The following EGFL7 variants were observed in gnomAD, a reference collection of about 807,000 sequenced individuals.
EGFL7 encodes the protein epidermal growth factor-like protein 7.
Under a neutral mutation model 37.1 loss-of-function variants are expected in EGFL7, and 48 were observed. That is an observed-to-expected ratio of 1.29 (90% CI 1.03 to 1.65). The LOEUF (loss-of-function observed/expected upper bound fraction) is 1.65, where lower values mean the gene tolerates loss of function less well. Among genes scored for constraint, EGFL7 ranks in the 40% most tolerant of loss-of-function variants. The probability of loss-of-function intolerance (pLI) is 0.00; values close to 1 mark genes in which losing one functional copy is unlikely to be tolerated. For missense variants in EGFL7, 384 were observed against 378.9 expected, an observed-to-expected ratio of 1.01 and a Z score of -0.11; for synonymous variants, 180 against 156.8, an observed-to-expected ratio of 1.15 and a Z score of -1.10.
intron 7 of EGFL7, 43 bp from the exon 8 acceptor site, chr9:136,670,125 AC>A: frequency 6.2e-7 from 1 of 1,611,250 alleles, no homozygotes; most frequent in Admixed American, 1.7e-5. Context: ...TGTGGGCAGG[AC>A]CCCTCCCGCA....
At chr9:136,662,515 G>T (rs1845211226), upstream of EGFL7, among the ~76,000 whole-genome samples, 1 of 152,192 alleles carries the variant, frequency 6.6e-6, no homozygotes, top group Non-Finnish European at 1.5e-5. Flanking sequence ...ACATCTGGGG[G>T]TGTCCTGGGG....
chr9:136,670,861 G>A, intron 8 of EGFL7, 89 bp from the exon 9 acceptor site: 2 of 1,290,050 alleles, frequency 1.6e-6, no homozygotes. Context: ...GAGTCTTCTG[G>A]CTCTGCCTCT....
chr9:136,666,378 G>A lies in EGFL7; in HGVS notation c.-43+1593G>A, dbSNP rs1038272076. ...GGGTGGGGGCTGCGGGGCTGCTGCC[G>A]GGCAGGTGGGGAGGGAGCCCGTGGG... On this transcript the variant is annotated intron_variant, in intron 3 of 10. Coordinates refer to ENST00000308874, the MANE Select transcript of EGFL7 (RefSeq NM_016215.5). The surrounding 1 kb of genome is among the most constrained non-coding windows in gnomAD (Gnocchi z 6.8). Among the ~76,000 whole-genome samples the A allele has an allele frequency of 2.0e-5, 3 of 151,796 alleles. No individual in the cohort carries two copies. The highest frequency in any genetic ancestry group is 4.4e-5 in the Non-Finnish European group (3 of 67,882).
In EGFL7 at chr9:136,668,690, A is replaced by T. The variant is rs1397862556; in HGVS notation, c.197+17A>T. 6.3e-7 allele frequency: 1 copy of T among 1,585,580 alleles called. No homozygotes were observed. Among genetic ancestry groups the T allele is most frequent in the Non-Finnish European group, 8.6e-7 (1 of 1,166,810 alleles). The stretch of plus-strand genomic sequence containing the variant: ...CACCTACCGGTGAGTGCCCCACCAC[A>T]CCGAGCTCACCCAGCCCCAGCCTCC... On this transcript the variant is annotated intron_variant, in intron 5 of 10. Transcript: ENST00000308874.
chr9:136,669,980 C>A lies in EGFL7; in HGVS notation c.380C>A (p.Ala127Glu). The change falls in exon 7 of 11, where the codon GCA (alanine) becomes GAA (glutamate). Residue 127 changes from alanine to glutamate, a missense_variant. Transcript: ENST00000308874. ...CVQPGRCRCPAGWRGDTCQSD... is the reference protein window; with the variant it reads ...CVQPGRCRCPEGWRGDTCQSD... ...CAGCCTGGCCGCTGCCGCTGCCCTG[C>A]AGGATGGCGGGGTGACACTTGCCAG... 1.2e-6 allele frequency: 2 copies of A among 1,602,112 alleles called. No homozygotes were observed. Among genetic ancestry groups the A allele is most frequent in the Non-Finnish European group, 1.7e-6 (2 of 1,173,486 alleles).
upstream of EGFL7, chr9:136,659,259 C>A (rs896670973): frequency 1.3e-5 from 2 of 152,260 alleles, no homozygotes; most frequent in Admixed American, 6.5e-5. Context: ...CCTGGCAGCT[C>A]CCTCCAGCCC....
intron 9 of EGFL7, 40 bp from the exon 10 acceptor site, chr9:136,671,886 C>CG (rs1363725188): frequency 6.9e-7 from 1 of 1,456,192 alleles, no homozygotes; most frequent in Admixed American, 2.5e-5. Flanking sequence ...GCAGAGAGGG[C>CG]GGGGGCCGGC....
At chr9:136,668,187 C>A in intron 3 of EGFL7, 54 bp from the exon 4 acceptor site, 1 of 1,098,420 alleles carries the variant, frequency 9.1e-7, no homozygotes, top group Non-Finnish European at 1.3e-6. Context: ...CAAACTGCAC[C>A]CGCGTCCTGG....
intron 5 of EGFL7, 102 bp downstream of exon 5, chr9:136,668,775 A>G: frequency 9.2e-7 from 1 of 1,086,850 alleles, no homozygotes; most frequent in Non-Finnish European, 1.4e-6. Flanking sequence ...GGGACCCAAG[A>G]TGGGAAACTG....
chr9:136,671,840 A>G, intron 9 of EGFL7, 86 bp from the exon 10 acceptor site: 2 of 1,409,598 alleles, frequency 1.4e-6, no homozygotes, highest in Non-Finnish European at 1.8e-6. Context: ...AGGCTTGTGG[A>G]GCCCTTCCCA....
chr9:136,669,958 C>T lies in EGFL7; in HGVS notation c.358C>T (p.Pro120Ser). Reference protein sequence around the residue: ...PCRNGGSCVQPGRCRCPAGWR... With the variant: ...PCRNGGSCVQSGRCRCPAGWR... ...CCGGAACGGAGGGAGCTGTGTCCAG[C>T]CTGGCCGCTGCCGCTGCCCTGCAGG... Residue 120 changes from proline to serine, a missense_variant, in exon 7 of 11, where the codon CCT becomes TCT. Transcript: ENST00000308874. 1 of 1,605,198 alleles carries T rather than the reference C, an allele frequency of 6.2e-7. No homozygotes were observed. Among genetic ancestry groups the T allele is most frequent in the South Asian group, 1.1e-5 (1 of 90,178 alleles).
At chr9:136,667,571 G>C (rs1436806566) in intron 3 of EGFL7, among the ~76,000 whole-genome samples, 1 of 152,144 alleles carries the variant, frequency 6.6e-6, no homozygotes, top group African/African-American at 2.4e-5. Flanking sequence ...TCACCCCCAG[G>C]TGTGCACCTG....
At chr9:136,659,790 G>A (rs936839449), upstream of EGFL7, among the ~76,000 whole-genome samples, 3 of 152,250 alleles carry the variant, frequency 2.0e-5, no homozygotes, top group East Asian at 1.9e-4. Context: ...TGCCCCTGCC[G>A]GGCCTCCACC....
At chr9:136,669,391 T>C (rs1845689918) in intron 5 of EGFL7, among the ~76,000 whole-genome samples, 2 of 152,218 alleles carry the variant, frequency 1.3e-5, no homozygotes. Context: ...GGAGTGTGGC[T>C]GGGCCTTCCT....
At chr9:136,660,656 G>A (rs778632192), upstream of EGFL7, among the ~76,000 whole-genome samples, 20 of 152,172 alleles carry the variant, frequency 1.3e-4, no homozygotes, top group Non-Finnish European at 2.4e-4. Context: ...GCCCCCAGCG[G>A]GCCAAGCCTT....
chr9:136,669,789 C>T (rs1222866321), intron 6 of EGFL7, 68 bp downstream of exon 6: 5 of 1,455,854 alleles, frequency 3.4e-6, no homozygotes, highest in African/African-American at 1.4e-5. Flanking sequence ...CAGCAACGCT[C>T]CTGCTGCTTT....
intron 9 of EGFL7, 60 bp downstream of exon 9, chr9:136,671,074 G>T: frequency 1.5e-6 from 2 of 1,308,664 alleles, no homozygotes. Context: ...GCTGGAGGAG[G>T]TGAGGTGTGG....
Position 136,666,069 on chromosome 9 carries a change from GGGCGGGCGGGC to G in EGFL7, c.-43+1289_-43+1299del, listed in dbSNP as rs914288020. ...GGAACCGGCTCCCCCTGCCGGCGGC[GGGCGGGCGGGC>G]GGCGCGGCGGGGAGGGCCGGGGTCG... On this transcript the variant is annotated intron_variant, in intron 3 of 10. Transcript: ENST00000308874. The surrounding 1 kb of genome is among the most constrained non-coding windows in gnomAD (Gnocchi z 6.8). Among the ~76,000 whole-genome samples the G allele has an allele frequency of 2.7e-5, 4 of 145,828 alleles. No individual in the cohort carries two copies. Among genetic ancestry groups the G allele is most frequent in the African/African-American group, 9.8e-5 (4 of 40,758 alleles).
At position 136,670,303 on chromosome 9, in the gene EGFL7, C is replaced by T. The variant is rs543536400; in HGVS notation, c.544C>T (p.Pro182Ser). The T allele has an allele frequency of 1.9e-6, 3 of 1,594,884 alleles. No individual in the cohort carries two copies. The highest frequency in any genetic ancestry group is 1.7e-6 in the Non-Finnish European group (2 of 1,168,360). The change falls in exon 8 of 11, where the codon CCC becomes TCC. Residue 182 changes from proline (P) to serine (S), a missense_variant. Transcript: ENST00000308874. ...TACACTCTGTGTGCCCAAGGGAGGG[C>T]CCCCCAGGGTGGCCCCCAACCCGAC... ...DGTLCVPKGG[P>S]PRVAPNPTGV...
Sources: allele counts gnomAD v4.1 joint callset (sites outside exome capture counted in the v4.1 genomes callset), GRCh38; gene constraint gnomAD v4.1.1; non-coding constraint Gnocchi (gnomAD v3.1); transcripts MANE v1.5; gene names NCBI Gene and HGNC (gene_info 2026-07-23, HGNC 2026-07-21).